The following ADORA1 variants were observed in gnomAD, a reference collection of about 807,000 sequenced individuals.
The protein encoded by ADORA1 is adenosine receptor A1.
Under a neutral mutation model 19.9 loss-of-function variants are expected in ADORA1, and 6 were observed. The ratio of observed to expected loss-of-function variants is 0.30; its 90% CI spans 0.17 to 0.59. The LOEUF (loss-of-function observed/expected upper bound fraction) is 0.59, where lower values mean the gene tolerates loss of function less well. Ranked by LOEUF, ADORA1 falls within the 20% of genes least tolerant of loss-of-function variation. The pLI is 0.87. For synonymous variants in ADORA1, 194 were observed against 188.4 expected (o/e 1.03, Z -0.24); for missense variants, 302 against 439.2 (o/e 0.69, Z 2.79).
intron 3 of ADORA1, among the ~76,000 whole-genome samples, chr1:203,140,274 G>A (rs77452745): frequency 0.01 from 1,586 of 152,272 alleles, 15 homozygotes; most frequent in Admixed American, 0.016. Context: ...CAGGCAGGGA[G>A]TGGAGGAGGC....
At position 203,159,453 on chromosome 1, in the gene ADORA1, T is replaced by G. The variant is rs79986439; in HGVS notation, c.342-5808T>G. On this transcript the variant is annotated intron_variant, in intron 3 of 3. Transcript: ENST00000337894. ...TCACACTAGCCCTCTCTTGCCACTCTTGCCTCAGCACCTCTCCCCGATGGT... is the reference window on the plus strand; with the variant it reads ...TCACACTAGCCCTCTCTTGCCACTCGTGCCTCAGCACCTCTCCCCGATGGT... Among the ~76,000 whole-genome samples, 925 of 152,284 alleles carry G rather than the reference T, an allele frequency of 6.1e-3. 10 individuals are homozygous for G. Among genetic ancestry groups the G allele is most frequent in the African/African-American group, 0.021 (885 of 41,558 alleles).
At chr1:203,135,994 C>A (rs1233595377) in intron 3 of ADORA1, among the ~76,000 whole-genome samples, 2 of 152,198 alleles carry the variant, frequency 1.3e-5, no homozygotes, top group Admixed American at 6.5e-5. Flanking sequence ...AAGGCCTCGG[C>A]ATCCTGAGGG....
At chr1:203,135,952 A>G (rs1654492274) in intron 3 of ADORA1, among the ~76,000 whole-genome samples, 1 of 152,146 alleles carries the variant, frequency 6.6e-6, no homozygotes. Flanking sequence ...ATGGGCCCCA[A>G]GTCTAGTCCT....
At position 203,165,167 on chromosome 1, in the gene ADORA1, C is replaced by T. The variant is rs766014552; in HGVS notation, c.342-94C>T. 1 of 1,591,936 alleles carries T rather than the reference C, an allele frequency of 6.3e-7. No homozygotes were observed. The highest frequency in any genetic ancestry group is 8.5e-7 in the Non-Finnish European group (1 of 1,169,998). On this transcript the variant is annotated intron_variant, in intron 3 of 3. Transcript: ENST00000337894. This position sits in a 1 kb window ranked among gnomAD's most constrained non-coding sequence, Gnocchi z 5.9. The stretch of plus-strand genomic sequence containing the variant: ...CGGGCCCTGGAAGAGGAGGGTGCTC[C>T]TCTTAGAGGCCCCTGGAGGCCAGGC...
chr1:203,155,559 C>T (rs1018831165), intron 3 of ADORA1, among the ~76,000 whole-genome samples: 12 of 152,160 alleles, frequency 7.9e-5, no homozygotes, highest in African/African-American at 2.7e-4. Flanking sequence ...ATTCTCATGA[C>T]GACTGCTGGG....
chr1:203,140,046 A>T (rs1654630075), intron 3 of ADORA1, among the ~76,000 whole-genome samples: 1 of 152,248 alleles, frequency 6.6e-6, no homozygotes, highest in Non-Finnish European at 1.5e-5. Flanking sequence ...TAGCAAATCA[A>T]ATCCGGTGAT....
rs376563906 is a variant in ADORA1 at position 203,165,702 on chromosome 1, G to A, written c.783G>A (p.Pro261=). The A allele has an allele frequency of 3.1e-5, 50 of 1,611,088 alleles. No homozygotes were observed. The highest frequency in any genetic ancestry group is 2.2e-4 in the South Asian group (20 of 90,622). Residue 261 remains proline, a synonymous_variant, in exon 4 of 4, where the codon CCG becomes CCA. Transcript: ENST00000337894. The surrounding 1 kb of genome is among the most constrained non-coding windows in gnomAD (Gnocchi z 5.9). ...TCAACTGCATCACCCTCTTCTGCCC[G>A]TCCTGCCACAAGCCCAGCATCCTTA... ...HILNCITLFC[P]SCHKPSILTY...
intron 3 of ADORA1, among the ~76,000 whole-genome samples, chr1:203,163,229 A>G (rs558828107): frequency 6.6e-6 from 1 of 152,320 alleles, no homozygotes; most frequent in East Asian, 1.9e-4. Flanking sequence ...AGCTCAGGCA[A>G]AGGAATACTG....
chr1:203,130,662 C>A (rs565613149), intron 3 of ADORA1, among the ~76,000 whole-genome samples: 1 of 152,214 alleles, frequency 6.6e-6, no homozygotes, highest in Non-Finnish European at 1.5e-5. Flanking sequence ...GCCATTATAA[C>A]GAAGTGTTGC....
intron 3 of ADORA1, among the ~76,000 whole-genome samples, chr1:203,139,446 T>C (rs1654610881): frequency 6.6e-6 from 1 of 152,074 alleles, no homozygotes; most frequent in African/African-American, 2.4e-5. Flanking sequence ...GCAGCAAGCG[T>C]GAAATAATTC....
At chr1:203,158,638 G>C (rs1655268167) in intron 3 of ADORA1, among the ~76,000 whole-genome samples, 1 of 152,122 alleles carries the variant, frequency 6.6e-6, no homozygotes, top group South Asian at 2.1e-4. Flanking sequence ...ATTTGTTAGA[G>C]CAACAACCCC....
At chr1:203,145,675 G>A (rs926010917) in intron 3 of ADORA1, among the ~76,000 whole-genome samples, 1 of 152,252 alleles carries the variant, frequency 6.6e-6, no homozygotes, top group Non-Finnish European at 1.5e-5. Flanking sequence ...TTCTACCTCG[G>A]TGAAGTGGAA....
chr1:203,149,275 CCA>C (rs1229743181), intron 3 of ADORA1, among the ~76,000 whole-genome samples: 1 of 152,152 alleles, frequency 6.6e-6, no homozygotes, highest in Non-Finnish European at 1.5e-5. Flanking sequence ...TCTTCCTCCC[CCA>C]CACACATCAT....
intron 3 of ADORA1, among the ~76,000 whole-genome samples, chr1:203,139,473 G>A (rs898767525): frequency 6.6e-6 from 1 of 152,216 alleles, no homozygotes; most frequent in Non-Finnish European, 1.5e-5. Context: ...AAGTGGGAGA[G>A]TGACTAGGCT....
Position 203,165,992 on chromosome 1 carries a change from C to T in ADORA1, c.*92C>T. ...GTCCCAGGGGTCTCCCTGAGCCTGCCCCAGCTGGGCTGTTGGCTGGGGGCA... is the reference window on the plus strand; with the variant it reads ...GTCCCAGGGGTCTCCCTGAGCCTGCTCCAGCTGGGCTGTTGGCTGGGGGCA... On this transcript the variant is annotated 3_prime_UTR_variant, in exon 4 of 4. Transcript: ENST00000337894. The surrounding 1 kb of genome is among the most constrained non-coding windows in gnomAD (Gnocchi z 5.9). 7.0e-7 allele frequency: 1 copy of T among 1,435,892 alleles called. No individual in the cohort carries two copies. Among genetic ancestry groups the T allele is most frequent in the Non-Finnish European group, 9.2e-7 (1 of 1,092,694 alleles). 88.9% of individuals were successfully genotyped at this position (1,435,892 alleles called of 1,614,324 possible).
chr1:203,161,322 C>G (rs1049950369), intron 3 of ADORA1, among the ~76,000 whole-genome samples: 1 of 152,172 alleles, frequency 6.6e-6, no homozygotes, highest in Non-Finnish European at 1.5e-5. Context: ...AAATAACACA[C>G]AGGTGGGCGT....
intron 3 of ADORA1, among the ~76,000 whole-genome samples, chr1:203,154,357 T>C (rs1010577105): frequency 1.3e-5 from 2 of 152,092 alleles, no homozygotes; most frequent in African/African-American, 4.8e-5. Context: ...ACTGTCTGAG[T>C]CTAACCAGGA....
chr1:203,150,230 C>T (rs563292282), intron 3 of ADORA1, among the ~76,000 whole-genome samples: 4 of 152,358 alleles, frequency 2.6e-5, no homozygotes, highest in South Asian at 2.1e-4. Flanking sequence ...CTCCCCACCT[C>T]CCACTGCATC....
At position 203,128,512 on chromosome 1, in the gene ADORA1, T is replaced by G; in HGVS notation, c.-58+80T>G. On this transcript the variant is annotated intron_variant, in intron 2 of 3. Coordinates refer to ENST00000337894, the MANE Select transcript of ADORA1 (RefSeq NM_000674.3). The surrounding 1 kb of genome is among the most constrained non-coding windows in gnomAD (Gnocchi z 5.9). ...AGACCCCTCTGTGCGTGTGTCTGTGTGTGCGCGCGCGCTGGGAGCTGCCTC... is the reference window on the plus strand; with the variant it reads ...AGACCCCTCTGTGCGTGTGTCTGTGGGTGCGCGCGCGCTGGGAGCTGCCTC... 9.1e-7 allele frequency: 1 copy of G among 1,096,432 alleles called. No homozygotes were observed. The highest frequency in any genetic ancestry group is 1.2e-6 in the Non-Finnish European group (1 of 824,942). 67.9% of individuals were successfully genotyped at this position (1,096,432 alleles called of 1,614,324 possible).
Sources: allele counts gnomAD v4.1 joint callset (sites outside exome capture counted in the v4.1 genomes callset), GRCh38; gene constraint gnomAD v4.1.1; non-coding constraint Gnocchi (gnomAD v3.1); transcripts MANE v1.5; gene names NCBI Gene and HGNC (gene_info 2026-07-23, HGNC 2026-07-21).